The following BORCS5 variants were observed in gnomAD, a reference collection of about 807,000 sequenced individuals.
BORCS5 encodes the protein BLOC-1 related complex subunit 5.
In BORCS5, 17 loss-of-function variants were observed where a neutral mutation model predicts 22.1. The observed-to-expected ratio is 0.77, with a 90% CI of 0.53 to 1.15. The LOEUF (loss-of-function observed/expected upper bound fraction) is 1.15. Ranked by LOEUF, BORCS5 falls within the 50% of genes most tolerant of loss-of-function variation. The pLI is 0.00. For synonymous variants in BORCS5, 117 were observed against 99.8 expected (o/e 1.17, Z -1.03); for missense variants, 247 against 253.2 (o/e 0.98, Z 0.17).
chr12:12,454,250 G>A (rs1409294644), intron 3 of BORCS5, among the ~76,000 whole-genome samples: 3 of 152,314 alleles, frequency 2.0e-5, no homozygotes, highest in East Asian at 1.9e-4. Context: ...TTTGAGAAAC[G>A]GCCAAACTGC....
chr12:12,461,240 C>T (rs1054676390), intron 3 of BORCS5, among the ~76,000 whole-genome samples: 5 of 150,906 alleles, frequency 3.3e-5, no homozygotes, highest in Admixed American at 6.6e-5. Context: ...GTGATCACAG[C>T]TCACTGCAGC....
chr12:12,464,310 T>G (rs1441448437), intron 3 of BORCS5, among the ~76,000 whole-genome samples: 1 of 152,154 alleles, frequency 6.6e-6, no homozygotes, highest in African/African-American at 2.4e-5. Context: ...ACTGATGTGC[T>G]TCGGTCGCCT....
chr12:12,374,952 C>CA (rs112909758), intron 2 of BORCS5, among the ~76,000 whole-genome samples: 1,086 of 106,320 alleles, frequency 0.01, 9 homozygotes, highest in African/African-American at 0.015. Context: ...GAGACTGTCT[C>CA]AAAAAAAAAA....
chr12:12,438,259 G>A (rs577778658), intron 3 of BORCS5, among the ~76,000 whole-genome samples: 1 of 150,904 alleles, frequency 6.6e-6, no homozygotes, highest in African/African-American at 2.4e-5. Context: ...TCCTCGGGAG[G>A]CTGAGGCACA....
At chr12:12,382,446 G>A (rs1863793435) in intron 2 of BORCS5, among the ~76,000 whole-genome samples, 1 of 151,010 alleles carries the variant, frequency 6.6e-6, no homozygotes, top group African/African-American at 2.4e-5. Context: ...AACATTAGGG[G>A]CCACATTTTA....
At chr12:12,425,140 C>T (rs907041085) in intron 2 of BORCS5, among the ~76,000 whole-genome samples, 2 of 152,216 alleles carry the variant, frequency 1.3e-5, no homozygotes, top group African/African-American at 2.4e-5. Flanking sequence ...GTGCAAGCCA[C>T]TCCAGGAATA....
intron 2 of BORCS5, among the ~76,000 whole-genome samples, chr12:12,367,870 C>T (rs1456527333): frequency 2.6e-5 from 4 of 152,202 alleles, no homozygotes; most frequent in African/African-American, 7.2e-5. Context: ...CTTTTTGTCT[C>T]GCAACTAGCT....
At chr12:12,450,407 C>T (rs1942885335) in intron 3 of BORCS5, among the ~76,000 whole-genome samples, 1 of 152,180 alleles carries the variant, frequency 6.6e-6, no homozygotes, top group African/African-American at 2.4e-5. Context: ...AGACGAACTG[C>T]CAGTGAAAAT....
In BORCS5 at chr12:12,438,900, A is replaced by G. The variant is rs188784814; in HGVS notation, c.360+3115A>G. Among the ~76,000 whole-genome samples the G allele has an allele frequency of 6.7e-3, 1,014 of 152,336 alleles. 18 individuals are homozygous for G. Among genetic ancestry groups the G allele is most frequent in the Non-Finnish European group, 5.6e-3 (380 of 68,034 alleles). On this transcript the variant is annotated intron_variant, in intron 3 of 3. Transcript: ENST00000314565. Reference sequence around the variant, plus strand: ...AATTTTAGACTTGGAGGAAAGTCACAGAAATAATTTGAGAGTACCTATATA... The same window carrying G: ...AATTTTAGACTTGGAGGAAAGTCACGGAAATAATTTGAGAGTACCTATATA...
intron 2 of BORCS5, among the ~76,000 whole-genome samples, chr12:12,405,035 T>A (rs1211804049): frequency 1.3e-5 from 2 of 152,184 alleles, no homozygotes; most frequent in Non-Finnish European, 2.9e-5. Context: ...CGAGGCACCA[T>A]ACACACTTTT....
chr12:12,413,808 C>T (rs868501576), intron 2 of BORCS5, among the ~76,000 whole-genome samples: 45 of 65,044 alleles, frequency 6.9e-4, no homozygotes, highest in Non-Finnish European at 9.5e-4. Flanking sequence ...CCTCACCTCC[C>T]GGACGGGGCG....
At chr12:12,455,161 T>A (rs1430722106) in intron 3 of BORCS5, among the ~76,000 whole-genome samples, 1 of 152,204 alleles carries the variant, frequency 6.6e-6, no homozygotes, top group African/African-American at 2.4e-5. Flanking sequence ...GAATTACATA[T>A]CACTGCCTGC....
chr12:12,363,319 G>T (rs1863334284), intron 2 of BORCS5, among the ~76,000 whole-genome samples: 1 of 151,394 alleles, frequency 6.6e-6, no homozygotes, highest in Admixed American at 6.6e-5. Context: ...AAAAAAGCCG[G>T]CCAGGCGCTG....
intron 2 of BORCS5, among the ~76,000 whole-genome samples, chr12:12,382,534 CT>C (rs199692677): frequency 0.1 from 13,867 of 132,376 alleles, 1,846 homozygotes; most frequent in African/African-American, 0.34. Context: ...TGGTATATAT[CT>C]TTTTTTTTTT....
chr12:12,421,697 G>A (rs944661056), intron 2 of BORCS5, among the ~76,000 whole-genome samples: 1 of 152,056 alleles, frequency 6.6e-6, no homozygotes, highest in Non-Finnish European at 1.5e-5. Context: ...TTTTTTGGTT[G>A]GTAGGCTATT....
At chr12:12,416,529 G>A (rs369287249) in intron 2 of BORCS5, among the ~76,000 whole-genome samples, 67 of 151,562 alleles carry the variant, frequency 4.4e-4, no homozygotes, top group African/African-American at 1.3e-3. Flanking sequence ...TTGTAGCCTC[G>A]AACTCCTGGA....
At position 12,383,034 on chromosome 12, in the gene BORCS5, C is replaced by T. The variant is rs561429304; in HGVS notation, c.202+21685C>T. 1.3e-3 allele frequency among the ~76,000 whole-genome samples: 192 copies of T among 151,356 alleles called. 5 individuals carry two copies. The highest frequency in any genetic ancestry group is 4.6e-3 in the African/African-American group (188 of 41,272). ...GATTTGCCTTTTTATTATTTCTTTT[C>T]TATACATTCTTGTCTATTTTGTTTC... is the stretch of plus-strand genomic sequence containing the variant. On this transcript the variant is annotated intron_variant, in intron 2 of 3. Transcript: ENST00000314565.
chr12:12,372,282 C>T (rs1275506995), intron 2 of BORCS5, among the ~76,000 whole-genome samples: 1 of 152,162 alleles, frequency 6.6e-6, no homozygotes, highest in Non-Finnish European at 1.5e-5. Flanking sequence ...TCAGGTGATC[C>T]ACCTGCCTCG....
intron 3 of BORCS5, among the ~76,000 whole-genome samples, chr12:12,465,314 C>G (rs967705676): frequency 1.3e-5 from 2 of 152,142 alleles, no homozygotes; most frequent in South Asian, 4.1e-4. Flanking sequence ...CGCACATTCC[C>G]AGAACATAGA....
Sources: gnomAD v4.1 joint callset for allele counts (sites outside exome capture counted in the v4.1 genomes callset) on GRCh38, gnomAD v4.1.1 for gene constraint, MANE v1.5 for transcripts, NCBI Gene and HGNC (gene_info 2026-07-23, HGNC 2026-07-21) for gene names.